SULF1: variants seen among roughly 807,000 people sequenced by gnomAD.
SULF1 encodes the protein extracellular sulfatase Sulf-1.
In SULF1, 46 loss-of-function variants were observed where a neutral mutation model predicts 110.5. That is an observed-to-expected ratio of 0.42 (90% CI 0.33 to 0.53). The LOEUF (loss-of-function observed/expected upper bound fraction) is 0.53. Ranked by LOEUF, SULF1 falls within the 20% of genes least tolerant of loss-of-function variation. The pLI is 0.12. For synonymous variants in SULF1, 371 were observed against 387.1 expected, an observed-to-expected ratio of 0.96 and a Z score of 0.49; for missense variants, 941 against 1,094.2, an observed-to-expected ratio of 0.86 and a Z score of 1.98.
intron 8 of SULF1, 69 bp from the exon 9 acceptor site, chr8:69,600,534 A>G: frequency 7.0e-7 from 1 of 1,435,592 alleles, no homozygotes. Context: ...TTATTTCACA[A>G]CCTCGAGATA....
intron 2 of SULF1, among the ~76,000 whole-genome samples, chr8:69,500,106 G>T (rs1810690651): frequency 6.6e-6 from 1 of 152,170 alleles, no homozygotes; most frequent in Admixed American, 6.5e-5. Context: ...TAAAATTTAA[G>T]AAAATTCTGG....
At chr8:69,577,597 T>C (rs1805713749) in intron 6 of SULF1, among the ~76,000 whole-genome samples, 2 of 152,036 alleles carry the variant, frequency 1.3e-5, no homozygotes, top group African/African-American at 4.8e-5. Flanking sequence ...TCATAAGAAA[T>C]AGAGATTGAG....
intron 2 of SULF1, among the ~76,000 whole-genome samples, chr8:69,497,991 T>C (rs1337041801): frequency 1.3e-5 from 2 of 152,170 alleles, no homozygotes; most frequent in African/African-American, 4.8e-5. Flanking sequence ...ATGTCCAACA[T>C]TTTATAGAAT....
intron 22 of SULF1, among the ~76,000 whole-genome samples, chr8:69,641,466 CCA>C (rs1341605965): frequency 6.6e-6 from 1 of 152,086 alleles, no homozygotes; most frequent in Non-Finnish European, 1.5e-5. Context: ...TAGTAAAGGG[CCA>C]CACACAGTGG....
At chr8:69,604,240 G>C (rs75020971) in intron 12 of SULF1, among the ~76,000 whole-genome samples, 116 of 151,676 alleles carry the variant, frequency 7.6e-4, no homozygotes, top group African/African-American at 2.6e-3. Flanking sequence ...TCTCAGTGCT[G>C]GTTTCTAATC....
intron 8 of SULF1, among the ~76,000 whole-genome samples, chr8:69,589,830 A>T (rs1806760560): frequency 1.3e-5 from 2 of 152,182 alleles, no homozygotes; most frequent in African/African-American, 4.8e-5. Flanking sequence ...GGCAGCAAAG[A>T]ACATGATTTT....
chr8:69,521,572 G>A (rs1405436096), intron 3 of SULF1, among the ~76,000 whole-genome samples: 1 of 152,092 alleles, frequency 6.6e-6, no homozygotes, highest in Admixed American at 6.6e-5. Flanking sequence ...AGAGGAAAGT[G>A]TACCTATATA....
At chr8:69,490,178 C>T (rs1018364110), upstream of SULF1, among the ~76,000 whole-genome samples, 1 of 149,742 alleles carries the variant, frequency 6.7e-6, no homozygotes, top group East Asian at 2.0e-4. Context: ...TCTGGGCTCA[C>T]TGCAACCTCT....
At chr8:69,571,545 A>G (rs565054515) in intron 5 of SULF1, among the ~76,000 whole-genome samples, 1 of 152,310 alleles carries the variant, frequency 6.6e-6, no homozygotes, top group East Asian at 1.9e-4. Context: ...TTTACAATTC[A>G]TATCATTCCT....
In SULF1 at chr8:69,660,307, CA is replaced by C. The variant is rs1441641983; in HGVS notation, c.*1774del. On this transcript the variant is annotated 3_prime_UTR_variant, in exon 23 of 23. Transcript: ENST00000402687. ...AATGCTCCACAATTTCAACATACCA[CA>C]AGAGAAGTTAATTTCTTAACATTGT... 1 of 152,146 alleles carries C rather than the reference CA, an allele frequency of 6.6e-6. No individual in the cohort carries two copies. The highest frequency in any genetic ancestry group is 1.5e-5 in the Non-Finnish European group (1 of 68,016). The allele number at this position is 152,146 out of a possible 1,614,324, so 9.4% of individuals were successfully genotyped here. A position where few individuals can be genotyped will look rare whatever the true frequency, so the allele number is the denominator to read the frequency against.
intron 1 of SULF1, among the ~76,000 whole-genome samples, chr8:69,484,825 C>CTCTTCTTCTTCTTCTTCT (rs72313235): frequency 0.014 from 2,046 of 148,926 alleles, 24 homozygotes; most frequent in African/African-American, 0.024. Context: ...TTTCATCTTC[C>CTCTTCTTCTTCTTCTTCT]TCTTCTTCTT....
At chr8:69,536,071 T>C (rs549026510) in intron 3 of SULF1, among the ~76,000 whole-genome samples, 1 of 152,264 alleles carries the variant, frequency 6.6e-6, no homozygotes, top group East Asian at 1.9e-4. Flanking sequence ...CTCACTCTTT[T>C]TCATGGTGAA....
chr8:69,554,770 T>C (rs1370824401), intron 3 of SULF1, among the ~76,000 whole-genome samples: 1 of 151,552 alleles, frequency 6.6e-6, no homozygotes, highest in East Asian at 1.9e-4. Context: ...ATGAGGTCAG[T>C]AGATCGAGAC....
intron 3 of SULF1, among the ~76,000 whole-genome samples, chr8:69,550,208 C>T (rs187975255): frequency 1.4e-4 from 22 of 151,896 alleles, no homozygotes; most frequent in Admixed American, 1.1e-3. Context: ...GTGTCATCCC[C>T]ATTCTGCCCT....
At chr8:69,586,867 T>C (rs2150767061) in intron 7 of SULF1, among the ~76,000 whole-genome samples, 1 of 152,336 alleles carries the variant, frequency 6.6e-6, no homozygotes, top group East Asian at 1.9e-4. Context: ...TACTTTTCAC[T>C]GGGACAAAAG....
chr8:69,475,034 T>C (rs913157547), intron 1 of SULF1, among the ~76,000 whole-genome samples: 6 of 151,922 alleles, frequency 3.9e-5, no homozygotes, highest in African/African-American at 1.5e-4. Context: ...ATGACACAAT[T>C]TGGAAATATA....
At chr8:69,537,922 G>GA (rs11407232) in intron 3 of SULF1, among the ~76,000 whole-genome samples, 102,399 of 148,812 alleles carry the variant, frequency 0.69, 35,281 homozygotes, top group South Asian at 0.81. Context: ...ATAGAAAATT[G>GA]AAAAAAAAGT....
At chr8:69,624,353 A>G (rs563648946) in intron 15 of SULF1, among the ~76,000 whole-genome samples, 156 bp downstream of exon 15, 1 of 152,336 alleles carries the variant, frequency 6.6e-6, no homozygotes, top group East Asian at 1.9e-4. Flanking sequence ...TAAAGAAACA[A>G]TGAGTCCACG....
intron 8 of SULF1, among the ~76,000 whole-genome samples, chr8:69,598,110 C>CAAA (rs35655573): frequency 3.6e-5 from 5 of 139,324 alleles, no homozygotes; most frequent in South Asian, 2.3e-4. Context: ...TCTTTCAGGC[C>CAAA]AAAAAAAAAA....
Sources: gnomAD v4.1 joint callset for allele counts (sites outside exome capture counted in the v4.1 genomes callset) on GRCh38, gnomAD v4.1.1 for gene constraint, MANE v1.5 for transcripts, NCBI Gene and HGNC (gene_info 2026-07-23, HGNC 2026-07-21) for gene names.